The following AVIL variants were observed in gnomAD, a reference collection of about 807,000 sequenced individuals.
AVIL encodes advillin.
A neutral mutation model predicts 109.9 loss-of-function variants in AVIL; 78 were observed. The observed-to-expected ratio is 0.71, with a 90% CI of 0.59 to 0.86. The LOEUF (loss-of-function observed/expected upper bound fraction) is 0.86, where lower values mean the gene tolerates loss of function less well. Ranked by LOEUF, AVIL falls within the 40% of genes least tolerant of loss-of-function variation. The probability of loss-of-function intolerance (pLI) is 0.00; values close to 1 mark genes in which losing one functional copy is unlikely to be tolerated. For missense variants in AVIL, 892 were observed against 1,016.5 expected, an observed-to-expected ratio of 0.88 and a Z score of 1.67; for synonymous variants, 367 against 379.1, an observed-to-expected ratio of 0.97 and a Z score of 0.37.
chr12:57,810,412 A>G lies in AVIL; in HGVS notation c.698T>C (p.Ile233Thr). 6.2e-7 allele frequency: 1 copy of G among 1,614,212 alleles called. No homozygotes were observed. The highest frequency in any genetic ancestry group is 8.5e-7 in the Non-Finnish European group (1 of 1,180,040). ...LQDTLGRRSI[I>T]KPTVPDEIID... The stretch of plus-strand genomic sequence containing the variant: ...GATCTCATCAGGGACTGTAGGCTTG[A>G]TAATGGAGCGTCGGCCAAGGGTGTC... The change falls in exon 7 of 20, where the codon ATC becomes ACC. Residue 233 changes from isoleucine (I) to threonine (T), a missense_variant. Coordinates refer to ENST00000549994, the MANE Select transcript of AVIL (RefSeq NM_006576.4).
rs186113671 is a variant in AVIL, at chr12:57,810,830, C to T, written c.544G>A (p.Gly182Arg). The T allele has an allele frequency of 5.6e-5, 90 of 1,614,158 alleles. 1 individual carries two copies. In the East Asian group the frequency reaches 1.4e-3, roughly 26 times the overall value. Residue 182 changes from glycine to arginine, a missense_variant, in exon 6 of 20, where the codon GGG becomes AGG. Gly to Arg is a moderately radical substitution (Grantham distance 125, BLOSUM62 -2). Transcript: ENST00000549994. ...GGAAGCCATACCTTCAGGCGCTCCC[C>T]ACTGTTGCTCTCTGGGCCATTCCAT... ...IQWNGPESNS[G>R]ERLKAMLLAK...
chr12:57,798,825 C>A (rs928745057), intron 19 of AVIL, among the ~76,000 whole-genome samples: 2 of 152,034 alleles, frequency 1.3e-5, no homozygotes, highest in Non-Finnish European at 2.9e-5. Flanking sequence ...CCATATTGGC[C>A]AGGCCAGTCT....
Position 57,814,087 on chromosome 12 carries a change from C to T in AVIL, c.141+65G>A. The T allele has an allele frequency of 5.1e-6, 8 of 1,555,604 alleles. No homozygotes were observed. The Middle Eastern group carries it at 9.7e-4, about 188-fold the overall frequency. ...ACTACCTTCCCTCACCAGCACATCT[C>T]CCAGTACAGCCCAAGAACTGGCCCC... On this transcript the variant is annotated intron_variant, in intron 3 of 19. Transcript: ENST00000549994.
intron 18 of AVIL, 122 bp from the exon 19 acceptor site, chr12:57,800,042 T>C: frequency 1.6e-6 from 2 of 1,268,904 alleles, no homozygotes; most frequent in East Asian, 4.7e-5. Flanking sequence ...GTAATCATCT[T>C]TGATAACAAT....
At chr12:57,814,017 C>T in intron 3 of AVIL, 135 bp downstream of exon 3, 1 of 891,766 alleles carries the variant, frequency 1.1e-6, no homozygotes, top group Non-Finnish European at 1.7e-6. Context: ...TGGAGGTCTG[C>T]TCTGCATAGC....
chr12:57,810,624 G>A, intron 6 of AVIL, 73 bp from the exon 7 acceptor site: 2 of 1,549,360 alleles, frequency 1.3e-6, no homozygotes, highest in Non-Finnish European at 1.8e-6. Flanking sequence ...GGGGAGAACA[G>A]CCTAGATCCC....
At chr12:57,817,654 T>C (rs899078397) in intron 1 of AVIL, among the ~76,000 whole-genome samples, 2 of 152,020 alleles carry the variant, frequency 1.3e-5, no homozygotes, top group African/African-American at 4.8e-5. Context: ...ACTGTCACCC[T>C]GGTAAAAGCC....
At position 57,810,496 on chromosome 12, in the gene AVIL, A is replaced by G; in HGVS notation, c.614T>C (p.Ile205Thr). 1 of 1,614,074 alleles carries G rather than the reference A, an allele frequency of 6.2e-7. No individual in the cohort carries two copies. Among genetic ancestry groups the G allele is most frequent in the Non-Finnish European group, 8.5e-7 (1 of 1,180,018 alleles). Residue 205 changes from isoleucine (I) to threonine (T), a missense_variant, in exon 7 of 20, where the codon ATA becomes ACA. Coordinates refer to ENST00000549994, the MANE Select transcript of AVIL (RefSeq NM_006576.4). The stretch of plus-strand genomic sequence containing the variant: ...CTCCTTGTCTCCCTCGATCACTCCT[A>G]TTTTAGCACGGCCCCCTCGCTCCCT... ...RDRERGGRAKIGVIEGDKEAA... is the reference protein window; with the variant it reads ...RDRERGGRAKTGVIEGDKEAA...
At position 57,814,164 on chromosome 12, in the gene AVIL, G is replaced by C. The variant is rs141365699; in HGVS notation, c.129C>G (p.Tyr43Ter). The change falls in exon 3 of 20, where the codon TAC (tyrosine) becomes TAG (stop). Residue 43 changes from tyrosine (Y) to a stop codon, truncating the protein, a stop_gained. Coordinates refer to ENST00000549994, the MANE Select transcript of AVIL (RefSeq NM_006576.4). LOFTEE classifies it high-confidence loss of function. ...AHGNFYEGDCYVILSTRRVAS... is the reference protein window; with the variant it reads ...AHGNFYEGDC The stretch of plus-strand genomic sequence containing the variant: ...GGAGGGTGCTCACCGAGAGGATGAC[G>C]TAGCAGTCCCCCTCATAGAAGTTGC... The C allele has an allele frequency of 1.9e-6, 3 of 1,613,176 alleles. No individual in the cohort carries two copies. Among genetic ancestry groups the C allele is most frequent in the Non-Finnish European group, 2.5e-6 (3 of 1,179,752 alleles).
At position 57,803,289 on chromosome 12, in the gene AVIL, G is replaced by A. The variant is rs1398287854; in HGVS notation, c.1920C>T (p.Asp640=). 1 of 1,614,048 alleles carries A rather than the reference G, an allele frequency of 6.2e-7. No homozygotes were observed. Among genetic ancestry groups the A allele is most frequent in the African/African-American group, 1.3e-5 (1 of 74,910 alleles). ...GGAGCATCACGTCAGTAGGGTTCAG[G>A]TCATCCTGGGTGAAGTCTGTGATCT... ...VTEITDFTQD[D]LNPTDVMLLD... Residue 640 remains aspartate, a synonymous_variant, in exon 16 of 20, where the codon GAC becomes GAT. Transcript: ENST00000549994.
chr12:57,803,705 G>T lies in AVIL; in HGVS notation c.1672-36C>A, dbSNP rs1211440272. 8.1e-6 allele frequency: 13 copies of T among 1,601,130 alleles called. No individual in the cohort carries two copies. The Admixed American group carries it at 2.0e-4, about 25-fold the overall frequency. On this transcript the variant is annotated intron_variant, in intron 14 of 19. Coordinates refer to ENST00000549994, the MANE Select transcript of AVIL (RefSeq NM_006576.4). ...GGCGAGGAGAGCACAGATGTTAGTT[G>T]CACAGGGGCACTTCGATGTGGAAAG...
Position 57,808,496 on chromosome 12 carries a change from T to C in AVIL, c.992A>G (p.Asn331Ser), listed in dbSNP as rs142357058. 2.4e-5 allele frequency: 39 copies of C among 1,614,072 alleles called. No homozygotes were observed. In the African/African-American group the frequency reaches 4.9e-4, roughly 20 times the overall value. Residue 331 changes from asparagine (N) to serine (S), a missense_variant, in exon 10 of 20, where the codon AAC becomes AGC. By Grantham distance (46) the Asn-to-Ser change is conservative. Transcript: ENST00000549994. ...GAACATGGCCGACTCAGCACCATCG[T>C]TGACGGTCTCCACATTGGTGCTGCT... The part of the protein sequence containing the change: ...YPSSTNVETV[N>S]DGAESAMFKQ...
intron 14 of AVIL, chr12:57,803,982 A>C: frequency 4.0e-6 from 1 of 252,518 alleles, no homozygotes; most frequent in South Asian, 8.9e-5. Flanking sequence ...ATTTATTTTT[A>C]AAAGTACATA....
chr12:57,818,567 CTTTCA>C (rs1458143769), intron 1 of AVIL, 57 bp downstream of exon 1: 2 of 152,164 alleles, frequency 1.3e-5, no homozygotes, highest in African/African-American at 4.8e-5. Flanking sequence ...GCTCCTCTTC[CTTTCA>C]TTTCTTCCTC....
chr12:57,806,343 G>A lies in AVIL; in HGVS notation c.1671+17C>T. 1 of 1,613,732 alleles carries A rather than the reference G, an allele frequency of 6.2e-7. No individual in the cohort carries two copies. The highest frequency in any genetic ancestry group is 8.5e-7 in the Non-Finnish European group (1 of 1,179,862). ...GGCTCCGAGGGGCTGGTCTGACCCG[G>A]GGCCCAGCCATCCTACCTTGCCATA... On this transcript the variant is annotated intron_variant, in intron 14 of 19. Transcript: ENST00000549994.
Position 57,797,704 on chromosome 12 carries a change from T to C in AVIL, c.*178A>G. ...CTATATGGTTAACATTTTAGGTATATAACAAGCAAGGAATGCAAGGATGAG... is the reference window on the plus strand; with the variant it reads ...CTATATGGTTAACATTTTAGGTATACAACAAGCAAGGAATGCAAGGATGAG... On this transcript the variant is annotated 3_prime_UTR_variant, in exon 20 of 20. Transcript: ENST00000549994. 5.5e-6 allele frequency: 4 copies of C among 728,704 alleles called. No individual in the cohort carries two copies. Among genetic ancestry groups the C allele is most frequent in the Non-Finnish European group, 5.6e-6 (3 of 534,990 alleles). The allele number at this position is 728,704 out of a possible 1,614,324, so 45.1% of individuals were successfully genotyped here.
chr12:57,798,890 C>G (rs1163685742), intron 19 of AVIL, among the ~76,000 whole-genome samples: 1 of 152,170 alleles, frequency 6.6e-6, no homozygotes, highest in East Asian at 1.9e-4. Flanking sequence ...GCTGGGATTA[C>G]AGGTATGAGC....
At chr12:57,817,994 G>A (rs576645519) in intron 1 of AVIL, among the ~76,000 whole-genome samples, 3 of 152,032 alleles carry the variant, frequency 2.0e-5, no homozygotes, top group South Asian at 4.2e-4. Context: ...CCTTTTGGAC[G>A]GACCCTGAGC....
intron 11 of AVIL, 128 bp downstream of exon 11, chr12:57,808,066 A>G: frequency 9.1e-7 from 1 of 1,093,120 alleles, no homozygotes; most frequent in Non-Finnish European, 1.4e-6. Context: ...CTCTTAAAGA[A>G]GACTCCTGAG....
Sources: gnomAD v4.1 joint callset for allele counts (sites outside exome capture counted in the v4.1 genomes callset) on GRCh38, gnomAD v4.1.1 for gene constraint, MANE v1.5 for transcripts, NCBI Gene and HGNC (gene_info 2026-07-23, HGNC 2026-07-21) for gene names.